RALGPS1: variants seen among roughly 807,000 people sequenced by gnomAD.
The protein encoded by RALGPS1 is Ral GEF with PH domain and SH3 binding motif 1, also known as ras-specific guanine nucleotide-releasing factor RalGPS1.
Under a neutral mutation model 78.8 loss-of-function variants are expected in RALGPS1, and 19 were observed. That is an observed-to-expected ratio of 0.24 (90% CI 0.17 to 0.35). The LOEUF (loss-of-function observed/expected upper bound fraction) is 0.35. Ranked by LOEUF, RALGPS1 falls within the 10% of genes least tolerant of loss-of-function variation. The pLI is 1.00. For synonymous variants in RALGPS1, 228 were observed against 256.3 expected, an observed-to-expected ratio of 0.89 and a Z score of 1.06; for missense variants, 454 against 688.3, an observed-to-expected ratio of 0.66 and a Z score of 3.81.
intron 4 of RALGPS1, among the ~76,000 whole-genome samples, chr9:126,999,205 T>C (rs2043058845): frequency 6.6e-6 from 1 of 152,052 alleles, no homozygotes. Context: ...TCTAGCAAAA[T>C]TGAACAGAAA....
At chr9:127,193,436 C>T (rs752762970) in intron 11 of RALGPS1, among the ~76,000 whole-genome samples, 1 of 151,892 alleles carries the variant, frequency 6.6e-6, no homozygotes, top group Non-Finnish European at 1.5e-5. Context: ...GGAGAAGGTG[C>T]CTGTGCAGAG....
At position 127,055,212 on chromosome 9, in the gene RALGPS1, A is replaced by ATCTGTCTGTCTGTCTG. The variant is rs11281489; in HGVS notation, c.483+2286_483+2301dup. Among the ~76,000 whole-genome samples, 113 of 151,102 alleles carry ATCTGTCTGTCTGTCTG rather than the reference A, an allele frequency of 7.5e-4. 1 individual carries two copies. The highest frequency in any genetic ancestry group is 2.6e-3 in the African/African-American group (107 of 41,070). ...CCCTAAATGCTTTTTCTATCTATCTATCTGTCTGTCTGTCTGTCTGTCTGT... is the reference window on the plus strand; with the variant it reads ...CCCTAAATGCTTTTTCTATCTATCTATCTGTCTGTCTGTCTGTCTGTCTGTCTGTCTGTCTGTCTGT... On this transcript the variant is annotated intron_variant, in intron 7 of 18. Coordinates refer to ENST00000259351, the MANE Select transcript of RALGPS1 (RefSeq NM_014636.3).
chr9:127,110,022 G>GT (rs907773201), intron 8 of RALGPS1, among the ~76,000 whole-genome samples: 30 of 152,318 alleles, frequency 2.0e-4, no homozygotes, highest in African/African-American at 4.3e-4. Context: ...TAATCATACG[G>GT]TTTTTTCTCT....
At chr9:126,955,510 G>A (rs1257192989) in intron 1 of RALGPS1, among the ~76,000 whole-genome samples, 2 of 151,802 alleles carry the variant, frequency 1.3e-5, no homozygotes, top group Admixed American at 6.6e-5. Context: ...TTGAAATTAC[G>A]GTAGTTATTA....
chr9:127,215,445 G>A (rs1223651349), intron 18 of RALGPS1, among the ~76,000 whole-genome samples: 1 of 152,240 alleles, frequency 6.6e-6, no homozygotes, highest in Non-Finnish European at 1.5e-5. Context: ...TTCCCATGCA[G>A]GAATTGGCTG....
At chr9:127,074,101 C>T (rs899825785) in intron 8 of RALGPS1, among the ~76,000 whole-genome samples, 5 of 152,102 alleles carry the variant, frequency 3.3e-5, no homozygotes, top group Non-Finnish European at 5.9e-5. Context: ...AGGCTGGTCT[C>T]GAACTCCTGA....
intron 4 of RALGPS1, among the ~76,000 whole-genome samples, chr9:126,982,922 CTTCTTCTTTTTTTTTTTTT>C (rs1024961418): frequency 8.4e-5 from 6 of 71,130 alleles, no homozygotes; most frequent in Non-Finnish European, 1.9e-4. Flanking sequence ...TCTTCTTCTT[CTTCTTCTTTTTTTTTTTTT>C]TTTTTTTTTT....
chr9:127,048,882 A>G (rs1053098343), intron 5 of RALGPS1, among the ~76,000 whole-genome samples: 19 of 152,360 alleles, frequency 1.2e-4, no homozygotes, highest in African/African-American at 4.3e-4. Flanking sequence ...AGGCAACCAC[A>G]GATAATTACA....
chr9:127,214,985 C>T, intron 18 of RALGPS1, 143 bp downstream of exon 18: 1 of 1,402,106 alleles, frequency 7.1e-7, no homozygotes, highest in East Asian at 2.7e-5. Flanking sequence ...CAGCATCTTC[C>T]CTTGAGACAA....
In RALGPS1 at chr9:127,222,702, A is replaced by G. The variant is rs891857055; in HGVS notation, c.*3933A>G. The G allele has an allele frequency of 3.3e-5, 5 of 152,668 alleles. No individual in the cohort carries two copies. The highest frequency in any genetic ancestry group is 1.2e-4 in the African/African-American group (5 of 41,470). 9.5% of individuals were successfully genotyped at this position (152,668 alleles called of 1,614,324 possible). ...TGCTGAACGACTGTGACTATTCAGT[A>G]ACGAAGTAATAGTAATTAATTAGTA... On this transcript the variant is annotated 3_prime_UTR_variant, in exon 19 of 19. Transcript: ENST00000259351.
intron 5 of RALGPS1, among the ~76,000 whole-genome samples, chr9:127,036,303 G>A (rs1589139180): frequency 6.6e-6 from 1 of 152,244 alleles, no homozygotes; most frequent in African/African-American, 2.4e-5. Context: ...CATTGGAGCT[G>A]CCTTCTTTGG....
intron 4 of RALGPS1, among the ~76,000 whole-genome samples, chr9:126,994,102 AAACTCTAAAAATCAGAGC>A (rs1450949479): frequency 6.6e-6 from 1 of 152,218 alleles, no homozygotes; most frequent in Non-Finnish European, 1.5e-5. Context: ...GAAAAACTGG[AAACTCTAAAAATCAGAGC>A]ACCTCTCCTT....
chr9:127,176,037 C>T (rs931246859), intron 11 of RALGPS1, among the ~76,000 whole-genome samples: 1 of 152,114 alleles, frequency 6.6e-6, no homozygotes, highest in African/African-American at 2.4e-5. Flanking sequence ...TTGCCTTTTC[C>T]AGCCTCTCCT....
rs2033928847 is a variant in RALGPS1 at position 126,914,792 on chromosome 9, G to A, written c.-249G>A. ...AGAGGCCCGCCGCTCAGGCCCTGGA[G>A]CGGACGGTTCCTACTGCGGCTGGGC... On this transcript the variant is annotated 5_prime_UTR_variant, in exon 1 of 19. Transcript: ENST00000259351. The A allele has an allele frequency of 6.6e-6, 1 of 152,226 alleles. No homozygotes were observed. Among genetic ancestry groups the A allele is most frequent in the Non-Finnish European group, 1.5e-5 (1 of 68,064 alleles). The allele number at this position is 152,226 out of a possible 1,614,324, so 9.4% of individuals were successfully genotyped here.
intron 8 of RALGPS1, among the ~76,000 whole-genome samples, chr9:127,139,632 G>A (rs1385978838): frequency 6.6e-6 from 1 of 152,236 alleles, no homozygotes; most frequent in Non-Finnish European, 1.5e-5. Context: ...GGCCAGTGGA[G>A]GTCCACCTCT....
intron 8 of RALGPS1, chr9:127,108,667 C>G: frequency 6.2e-7 from 1 of 1,613,686 alleles, no homozygotes; most frequent in South Asian, 1.1e-5. Flanking sequence ...GTCCTCCTGG[C>G]CTGCAACAGC....
intron 4 of RALGPS1, among the ~76,000 whole-genome samples, chr9:127,028,141 A>G (rs563759950): frequency 6.6e-6 from 1 of 152,346 alleles, no homozygotes; most frequent in South Asian, 2.1e-4. Flanking sequence ...CATTCTGGCT[A>G]TGGCAGCCCG....
intron 2 of RALGPS1, among the ~76,000 whole-genome samples, chr9:126,962,673 C>T (rs2039012987): frequency 6.6e-6 from 1 of 152,274 alleles, no homozygotes; most frequent in African/African-American, 2.4e-5. Flanking sequence ...AAGTCACACA[C>T]ATTCCGGAAT....
intron 2 of RALGPS1, among the ~76,000 whole-genome samples, chr9:126,964,006 T>A (rs1231930219): frequency 1.3e-5 from 2 of 152,208 alleles, no homozygotes; most frequent in African/African-American, 4.8e-5. Context: ...TTTCAAAAGT[T>A]CACTCTGCGT....
Sources: gnomAD v4.1 joint callset for allele counts (sites outside exome capture counted in the v4.1 genomes callset) on GRCh38, gnomAD v4.1.1 for gene constraint, MANE v1.5 for transcripts, NCBI Gene and HGNC (gene_info 2026-07-23, HGNC 2026-07-21) for gene names.